CHL1: variants seen among roughly 807,000 people sequenced by gnomAD.
CHL1 encodes neural cell adhesion molecule L1-like protein.
Under a neutral mutation model 141.9 loss-of-function variants are expected in CHL1, and 96 were observed. The observed-to-expected ratio is 0.68, with a 90% CI of 0.57 to 0.80. The LOEUF (loss-of-function observed/expected upper bound fraction) is 0.80, where lower values mean the gene tolerates loss of function less well. Ranked by LOEUF, CHL1 falls within the 30% of genes least tolerant of loss-of-function variation. The pLI is 0.00. For missense variants in CHL1, 1,820 were observed against 1,457.2 expected, an observed-to-expected ratio of 1.25 and a Z score of -4.05; for synonymous variants, 613 against 502.2, an observed-to-expected ratio of 1.22 and a Z score of -2.95.
intron 7 of CHL1, among the ~76,000 whole-genome samples, chr3:342,634 C>T (rs1446730895): frequency 6.6e-6 from 1 of 152,026 alleles, no homozygotes; most frequent in Non-Finnish European, 1.5e-5. Context: ...AATAATTGGC[C>T]CTGGTATAGT....
intron 1 of CHL1, among the ~76,000 whole-genome samples, chr3:227,214 C>T (rs1303281238): frequency 6.6e-6 from 1 of 152,128 alleles, no homozygotes; most frequent in South Asian, 2.1e-4. Context: ...TTAAAATATT[C>T]CTTTCCTGTT....
At chr3:210,927 G>C (rs1345726398) in intron 1 of CHL1, among the ~76,000 whole-genome samples, 1 of 152,188 alleles carries the variant, frequency 6.6e-6, no homozygotes, top group Non-Finnish European at 1.5e-5. Context: ...AAAAGTGAGA[G>C]GAAGGAGGCG....
At chr3:343,369 TAA>T (rs533450737) in intron 8 of CHL1, among the ~76,000 whole-genome samples, 95 of 151,600 alleles carry the variant, frequency 6.3e-4, no homozygotes, top group Admixed American at 5.4e-3. Flanking sequence ...AAGAAATGGT[TAA>T]GTGTCAAAAG....
intron 1 of CHL1, among the ~76,000 whole-genome samples, chr3:228,798 T>C (rs1701607425): frequency 6.6e-6 from 1 of 152,216 alleles, no homozygotes; most frequent in African/African-American, 2.4e-5. Flanking sequence ...CTCAATGGCA[T>C]ATTTTAAACT....
In CHL1 at chr3:333,217, TTCA is replaced by T. The variant is rs564885115; in HGVS notation, c.385+4869_385+4871del. Among the ~76,000 whole-genome samples, 20 of 147,824 alleles carry T rather than the reference TTCA, an allele frequency of 1.4e-4. No individual in the cohort carries two copies. In the South Asian group the frequency reaches 3.1e-3, roughly 23 times the overall value. On this transcript the variant is annotated intron_variant, in intron 5 of 27. Transcript: ENST00000256509. ...CATTTCCAGCCTCTCCTGAAATTAC[TTCA>T]TCATCTGACAGCTTTCTGCAACCAT...
chr3:308,981 A>T (rs996119591), intron 2 of CHL1: 1 of 152,830 alleles, frequency 6.5e-6, no homozygotes. Context: ...TGTGGCCCGG[A>T]CGGTGCACAG....
At chr3:257,877 T>C (rs55907400) in intron 2 of CHL1, among the ~76,000 whole-genome samples, 4,425 of 152,286 alleles carry the variant, frequency 0.029, 98 homozygotes, top group Non-Finnish European at 0.043. Context: ...ATCATAATCA[T>C]GTCACTTAAA....
intron 10 of CHL1, among the ~76,000 whole-genome samples, chr3:350,502 G>C (rs1031153082): frequency 6.6e-6 from 1 of 152,092 alleles, no homozygotes; most frequent in African/African-American, 2.4e-5. Flanking sequence ...CTACAATTTA[G>C]TGAACTAGTG....
At chr3:263,462 C>A (rs1386485618) in intron 2 of CHL1, among the ~76,000 whole-genome samples, 2 of 152,026 alleles carry the variant, frequency 1.3e-5, no homozygotes, top group African/African-American at 4.8e-5. Flanking sequence ...GTCATGTTTT[C>A]TTTTAAGAAA....
intron 15 of CHL1, chr3:373,920 C>T (rs1008111380): frequency 6.6e-6 from 1 of 152,576 alleles, no homozygotes; most frequent in African/African-American, 2.4e-5. Context: ...TCATGCCAGC[C>T]TCCTAGTCAG....
chr3:372,025 G>T (rs1338217651), intron 15 of CHL1, among the ~76,000 whole-genome samples: 2 of 152,034 alleles, frequency 1.3e-5, no homozygotes, highest in African/African-American at 4.8e-5. Context: ...CTTTCTCTCT[G>T]GCTGCCCTGA....
At chr3:197,097 C>A (rs554564844) in intron 1 of CHL1, 34 bp downstream of exon 1, 201 of 151,326 alleles carry the variant, frequency 1.3e-3, no homozygotes, top group Non-Finnish European at 2.3e-3. Flanking sequence ...TGGCATCTCT[C>A]GTGCCGGCGC....
In CHL1 at chr3:212,126, G is replaced by T. The variant is rs1046699275; in HGVS notation, c.-175+15063G>T. Among the ~76,000 whole-genome samples the T allele has an allele frequency of 1.3e-4, 20 of 152,220 alleles. No individual in the cohort carries two copies. The South Asian group carries it at 1.5e-3, about 11-fold the overall frequency. On this transcript the variant is annotated intron_variant, in intron 1 of 27. Transcript: ENST00000256509. ...CGTTTTAGATTTCAGGAAAACAAAT[G>T]CAGAGTGGTAGAGGCTGGTGGTGAG... is the stretch of plus-strand genomic sequence containing the variant.
Position 363,804 on chromosome 3 carries a change from C to A in CHL1, c.1585+421C>A, listed in dbSNP as rs137929011. 8.8e-3 allele frequency: 1,380 copies of A among 156,968 alleles called. 14 individuals are homozygous for A. The highest frequency in any genetic ancestry group is 0.014 in the Non-Finnish European group (1,009 of 70,868). 9.7% of individuals were successfully genotyped at this position (156,968 alleles called of 1,614,324 possible). A position where few individuals can be genotyped will look rare whatever the true frequency, so the allele number is the denominator to read the frequency against. ...TGACAGAATGAGGAGGGTTTTTGAT[C>A]CTCTTTTTGAGTCATAAACAGCTTT... On this transcript the variant is annotated intron_variant, in intron 14 of 27. Coordinates refer to ENST00000256509, the MANE Select transcript of CHL1 (RefSeq NM_006614.4).
At position 294,247 on chromosome 3, in the gene CHL1, A is replaced by G. The variant is rs530990255; in HGVS notation, c.-94-25436A>G. Among the ~76,000 whole-genome samples the G allele has an allele frequency of 2.0e-5, 3 of 152,196 alleles. No homozygotes were observed. The East Asian group carries it at 5.9e-4, about 30-fold the overall frequency. ...GGTTGGAGAATCACTTGAGCCTGGG[A>G]GGTCGAGGATGCAGTGAGTCATGAT... On this transcript the variant is annotated intron_variant, in intron 2 of 27. Transcript: ENST00000256509.
At chr3:234,698 A>T (rs937559545) in intron 1 of CHL1, among the ~76,000 whole-genome samples, 2 of 152,144 alleles carry the variant, frequency 1.3e-5, no homozygotes, top group Admixed American at 6.6e-5. Flanking sequence ...GCAATGGCTC[A>T]AGCAGGAAAC....
intron 5 of CHL1, among the ~76,000 whole-genome samples, chr3:334,443 G>C (rs542236225): frequency 2.5e-4 from 38 of 152,168 alleles, no homozygotes; most frequent in African/African-American, 8.9e-4. Flanking sequence ...GTCACTCTCT[G>C]TTCCCATCTC....
In CHL1 at chr3:377,857, A is replaced by C; in HGVS notation, c.1791A>C (p.Val597=). 6.2e-7 allele frequency: 1 copy of C among 1,609,520 alleles called. No individual in the cohort carries two copies. Among genetic ancestry groups the C allele is most frequent in the Non-Finnish European group, 8.5e-7 (1 of 1,176,044 alleles). Residue 597 remains valine (V), a synonymous_variant, in exon 16 of 28, where the codon GTA becomes GTC. Coordinates refer to ENST00000256509, the MANE Select transcript of CHL1 (RefSeq NM_006614.4). Reference sequence around the variant, plus strand: ...GAGCTAATTTGACCATATCTAATGTAACTTTAGAGGACCAAGGTATTTACT... The same window carrying C: ...GAGCTAATTTGACCATATCTAATGTCACTTTAGAGGACCAAGGTATTTACT... ...IDGANLTISN[V]TLEDQGIYCC... is the part of the protein sequence containing the mutation.
intron 2 of CHL1, among the ~76,000 whole-genome samples, chr3:256,840 C>T (rs1289820894): frequency 1.3e-5 from 2 of 152,158 alleles, no homozygotes; most frequent in African/African-American, 4.8e-5. Flanking sequence ...TGAGTGATGG[C>T]ATGATTTGAA....
Sources: allele counts gnomAD v4.1 joint callset (sites outside exome capture counted in the v4.1 genomes callset), GRCh38; gene constraint gnomAD v4.1.1; transcripts MANE v1.5; gene names NCBI Gene and HGNC (gene_info 2026-07-23, HGNC 2026-07-21).